The following LAG3 variants were observed in gnomAD, a reference collection of about 807,000 sequenced individuals.
LAG3 encodes the protein lymphocyte activation gene 3 protein.
In LAG3, 29 loss-of-function variants were observed where a neutral mutation model predicts 49.0. The observed-to-expected ratio is 0.59, with a 90% CI of 0.44 to 0.81. LAG3 has a LOEUF of 0.81. Among genes scored for constraint, LAG3 ranks in the 30% least tolerant of loss-of-function variants. The pLI is 0.00. For missense variants in LAG3, 693 were observed against 695.2 expected (o/e 1.00, Z 0.04); for synonymous variants, 320 against 297.3 (o/e 1.08, Z -0.79).
intron 5 of LAG3, among the ~76,000 whole-genome samples, chr12:6,775,900 G>A (rs931108867): frequency 6.6e-6 from 1 of 152,220 alleles, no homozygotes; most frequent in African/African-American, 2.4e-5. Context: ...TGCAGCCAGG[G>A]CTTGGGTTAG....
chr12:6,772,796 C>T lies in LAG3; in HGVS notation c.-57C>T. 6.8e-7 allele frequency: 1 copy of T among 1,472,918 alleles called. No individual in the cohort carries two copies. The highest frequency in any genetic ancestry group is 9.4e-7 in the Non-Finnish European group (1 of 1,058,676). 91.2% of individuals were successfully genotyped at this position (1,472,918 alleles called of 1,614,324 possible). ...TACCCCCCACCCCCCACCACTGCCC[C>T]CTTTCCTTTTCTGACCTCCTTTTGG... On this transcript the variant is annotated 5_prime_UTR_variant, in exon 1 of 8. Transcript: ENST00000203629.
chr12:6,777,280 T>C lies in LAG3; in HGVS notation c.1074T>C (p.Phe358=). 6.2e-7 allele frequency: 1 copy of C among 1,614,166 alleles called. No homozygotes were observed. Among genetic ancestry groups the C allele is most frequent in the Non-Finnish European group, 8.5e-7 (1 of 1,180,018 alleles). The change falls in exon 6 of 8, where the codon TTT becomes TTC. Residue 358 remains phenylalanine (F), a synonymous_variant. Transcript: ENST00000203629. The part of the protein sequence containing the change: ...LAIITVTPKS[F]GSPGSLGKLL... The stretch of plus-strand genomic sequence containing the variant: ...TCTTTTCAGTGACTCCCAAATCCTT[T>C]GGGTCACCTGGATCCCTGGGGAAGC...
rs767669231 is a variant in LAG3 at position 6,773,356 on chromosome 12, T to C, written c.206+17T>C. On this transcript the variant is annotated intron_variant, in intron 2 of 7. Transcript: ENST00000203629. The surrounding 1 kb of genome is among the most constrained non-coding windows in gnomAD (Gnocchi z 5.5). ...GCCAGACAGGTATGCACCCCAAACT[T>C]GGGCAACAGGACCTCCGAATCCAGC... 5.0e-6 allele frequency: 8 copies of C among 1,612,704 alleles called. No homozygotes were observed. Among genetic ancestry groups the C allele is most frequent in the Admixed American group, 1.7e-5 (1 of 59,856 alleles).
rs201823101 is a variant in LAG3 at position 6,774,600 on chromosome 12, G to A, written c.517G>A (p.Ala173Thr). Residue 173 changes from alanine (A) to threonine (T), a missense_variant, in exon 4 of 8, where the codon GCC (alanine) becomes ACC (threonine). Coordinates refer to ENST00000203629, the MANE Select transcript of LAG3 (RefSeq NM_002286.6). ...TCTTCTTTATCCTTGCACAGTGACT[G>A]CCAGCCCCCCAGGATCTCTCAGAGC... is the stretch of plus-strand genomic sequence containing the variant. ...RLRLGQASMT[A>T]SPPGSLRASD... 42 of 1,613,290 alleles carry A rather than the reference G, an allele frequency of 2.6e-5. No individual in the cohort carries two copies. The highest frequency in any genetic ancestry group is 3.4e-5 in the Non-Finnish European group (40 of 1,179,634).
Position 6,773,520 on chromosome 12 carries a change from T to C in LAG3, c.207-177T>C, listed in dbSNP as rs887701631. Among the ~76,000 whole-genome samples the C allele has an allele frequency of 6.6e-6, 1 of 152,312 alleles. No individual in the cohort carries two copies. Among genetic ancestry groups the C allele is most frequent in the Non-Finnish European group, 1.5e-5 (1 of 68,012 alleles). ...GCAATCAGCGACCCTCACGCCAGCA[T>C]CCCTTCTCTCCAGAAGTGGATGCGG... On this transcript the variant is annotated intron_variant, in intron 2 of 7. Coordinates refer to ENST00000203629, the MANE Select transcript of LAG3 (RefSeq NM_002286.6). This position sits in a 1 kb window ranked among gnomAD's most constrained non-coding sequence, Gnocchi z 5.5.
Position 6,773,393 on chromosome 12 carries a change from C to T in LAG3, c.206+54C>T. 1 of 1,598,594 alleles carries T rather than the reference C, an allele frequency of 6.3e-7. No individual in the cohort carries two copies. Among genetic ancestry groups the T allele is most frequent in the Non-Finnish European group, 8.5e-7 (1 of 1,172,656 alleles). On this transcript the variant is annotated intron_variant, in intron 2 of 7. Coordinates refer to ENST00000203629, the MANE Select transcript of LAG3 (RefSeq NM_002286.6). This position sits in a 1 kb window ranked among gnomAD's most constrained non-coding sequence, Gnocchi z 5.5. ...CCTCCGAATCCAGCACTCAACCCCA[C>T]ACCCGTGCCGGTCCTCTGTCCCCTG...
chr12:6,774,044 C>G (rs908864799), intron 3 of LAG3, 43 bp downstream of exon 3: 16 of 1,375,346 alleles, frequency 1.2e-5, no homozygotes, highest in Middle Eastern at 2.6e-4. Context: ...GGAGGTGGGT[C>G]CCCATCCCCT....
rs529653071 is a variant in LAG3 at position 6,777,019 on chromosome 12, A to G, written c.1058-245A>G. Among the ~76,000 whole-genome samples, 39 of 152,284 alleles carry G rather than the reference A, an allele frequency of 2.6e-4. No homozygotes were observed. In the South Asian group the frequency reaches 7.7e-3, roughly 30 times the overall value. ...CACTTTGAAAGGCTGAGACGAGAGGAGCACTTGAGTCCAGGAATTCCAGAC... is the reference window on the plus strand; with the variant it reads ...CACTTTGAAAGGCTGAGACGAGAGGGGCACTTGAGTCCAGGAATTCCAGAC... On this transcript the variant is annotated intron_variant, in intron 5 of 7. Transcript: ENST00000203629.
intron 3 of LAG3, 44 bp from the exon 4 acceptor site, chr12:6,774,551 A>G (rs1941882408): frequency 1.9e-6 from 3 of 1,578,652 alleles, no homozygotes; most frequent in Non-Finnish European, 2.6e-6. Context: ...GTGTTGGGAA[A>G]TTGTTTCCAG....
rs371267289 is a variant in LAG3 at position 6,778,251 on chromosome 12, C to T, written c.1439C>T (p.Pro480Leu). ...GFHLWRRQWR[P>L]RRFSALEQGI... The stretch of plus-strand genomic sequence containing the variant: ...CTCCATCTCTTCTCACAGTGGCGAC[C>T]AAGACGATTTTCTGCCTTAGAGCAA... The change falls in exon 8 of 8, where the codon CCA (proline) becomes CTA (leucine). Residue 480 changes from proline to leucine, a missense_variant. Transcript: ENST00000203629. 1 of 1,591,154 alleles carries T rather than the reference C, an allele frequency of 6.3e-7. No homozygotes were observed. Among genetic ancestry groups the T allele is most frequent in the Non-Finnish European group, 8.6e-7 (1 of 1,168,986 alleles).
chr12:6,777,180 G>C, intron 5 of LAG3, 84 bp from the exon 6 acceptor site: 1 of 1,536,024 alleles, frequency 6.5e-7, no homozygotes, highest in Non-Finnish European at 8.9e-7. Context: ...GTGAGTGCAG[G>C]GTGATTGAGA....
chr12:6,775,609 G>T, intron 5 of LAG3, 61 bp downstream of exon 5: 2 of 1,554,200 alleles, frequency 1.3e-6, no homozygotes, highest in South Asian at 2.3e-5. Flanking sequence ...AGGGAGGAAG[G>T]GCTGGCAGGG....
chr12:6,773,990 G>C lies in LAG3; in HGVS notation c.500G>C (p.Gly167Ala), dbSNP rs1025113271. The part of the protein sequence containing the change: ...ALSCRLRLRL[G>A]QASMTASPPG... ...TCCTGCCGCCTCCGTCTGCGCCTGGGCCAGGCCTCGAGTATGTGGGGCGGG... is the reference window on the plus strand; with the variant it reads ...TCCTGCCGCCTCCGTCTGCGCCTGGCCCAGGCCTCGAGTATGTGGGGCGGG... The change falls in exon 3 of 8, where the codon GGC (glycine) becomes GCC (alanine). Residue 167 changes from glycine to alanine, a missense_variant. Physicochemically the swap from Gly to Ala is moderately conservative, Grantham distance 60. Transcript: ENST00000203629. The surrounding 1 kb of genome is among the most constrained non-coding windows in gnomAD (Gnocchi z 5.5). 9 of 1,434,974 alleles carry C rather than the reference G, an allele frequency of 6.3e-6. No homozygotes were observed. Among genetic ancestry groups the C allele is most frequent in the Non-Finnish European group, 8.2e-6 (9 of 1,103,146 alleles). 88.9% of individuals were successfully genotyped at this position (1,434,974 alleles called of 1,614,324 possible). A position where few individuals can be genotyped will look rare whatever the true frequency, so the allele number is the denominator to read the frequency against.
rs1347368958 is a variant in LAG3 at position 6,772,841 on chromosome 12, A to G, written c.-12A>G. On this transcript the variant is annotated 5_prime_UTR_variant, in exon 1 of 8. Coordinates refer to ENST00000203629, the MANE Select transcript of LAG3 (RefSeq NM_002286.6). ...TTTTGGAGGGCTCAGCGCTGCCCAG[A>G]CCATAGGAGAGATGTGGGAGGCTCA... The G allele has an allele frequency of 1.3e-6, 2 of 1,513,954 alleles. No homozygotes were observed. Among genetic ancestry groups the G allele is most frequent in the Non-Finnish European group, 1.8e-6 (2 of 1,121,854 alleles). The allele number at this position is 1,513,954 out of a possible 1,614,324, so 93.8% of individuals were successfully genotyped here.
chr12:6,773,828 G>A lies in LAG3; in HGVS notation c.338G>A (p.Arg113Lys). The change falls in exon 3 of 8, where the codon AGG (arginine) becomes AAG (lysine). Residue 113 changes from arginine to lysine, a missense_variant. Transcript: ENST00000203629. This position sits in a 1 kb window ranked among gnomAD's most constrained non-coding sequence, Gnocchi z 5.5. Reference sequence around the variant, plus strand: ...GGTCCCGGAGGCCTGCGCAGCGGGAGGCTGCCCCTGCAGCCCCGCGTCCAG... The same window carrying A: ...GGTCCCGGAGGCCTGCGCAGCGGGAAGCTGCCCCTGCAGCCCCGCGTCCAG... ...SVGPGGLRSG[R>K]LPLQPRVQLD... 1.4e-6 allele frequency: 2 copies of A among 1,406,672 alleles called. No individual in the cohort carries two copies. The highest frequency in any genetic ancestry group is 3.1e-5 in the East Asian group (1 of 32,656). The allele number at this position is 1,406,672 out of a possible 1,614,324, so 87.1% of individuals were successfully genotyped here.
chr12:6,775,564 G>A lies in LAG3; in HGVS notation c.1057+16G>A. On this transcript the variant is annotated intron_variant, in intron 5 of 7. Transcript: ENST00000203629. Reference sequence around the variant, plus strand: ...ATCATCACAGGTCAGCCTCAGGTGGGAAAGGAGTAGCTGCCCTCCCAGGGT... The same window carrying A: ...ATCATCACAGGTCAGCCTCAGGTGGAAAAGGAGTAGCTGCCCTCCCAGGGT... The A allele has an allele frequency of 1.2e-6, 2 of 1,612,682 alleles. No individual in the cohort carries two copies. Among genetic ancestry groups the A allele is most frequent in the Non-Finnish European group, 1.7e-6 (2 of 1,178,764 alleles).
Position 6,775,559 on chromosome 12 carries a change from G to A in LAG3, c.1057+11G>A. The A allele has an allele frequency of 1.9e-6, 3 of 1,613,096 alleles. No homozygotes were observed. Among genetic ancestry groups the A allele is most frequent in the Non-Finnish European group, 2.5e-6 (3 of 1,179,080 alleles). On this transcript the variant is annotated intron_variant, in intron 5 of 7. Transcript: ENST00000203629. ...TGGCAATCATCACAGGTCAGCCTCA[G>A]GTGGGAAAGGAGTAGCTGCCCTCCC...
intron 4 of LAG3, 149 bp downstream of exon 4, chr12:6,775,013 G>A: frequency 1.1e-6 from 1 of 892,674 alleles, no homozygotes; most frequent in South Asian, 1.6e-5. Flanking sequence ...CCTTTATATT[G>A]CTGGCAGCCT....
chr12:6,774,909 G>GC (rs763818580), intron 4 of LAG3, 45 bp downstream of exon 4: 9 of 1,565,878 alleles, frequency 5.7e-6, no homozygotes, highest in African/African-American at 1.4e-5. Context: ...ACTCCTTCCT[G>GC]CCCCCCTTGT....
Sources: allele counts gnomAD v4.1 joint callset (sites outside exome capture counted in the v4.1 genomes callset), GRCh38; gene constraint gnomAD v4.1.1; non-coding constraint Gnocchi (gnomAD v3.1); transcripts MANE v1.5; gene names NCBI Gene and HGNC (gene_info 2026-07-23, HGNC 2026-07-21).